Variants in SLF1 observed in about 807,000 individuals in gnomAD.
The protein encoded by SLF1 is SMC5/6 complex localization factor 1.
Under a neutral mutation model 123.0 loss-of-function variants are expected in SLF1, and 105 were observed. The ratio of observed to expected loss-of-function variants is 0.85; its 90% CI spans 0.73 to 1.00. The LOEUF (loss-of-function observed/expected upper bound fraction) is 1.00. Among genes scored for constraint, SLF1 ranks in the 50% least tolerant of loss-of-function variants. The pLI, the probability that SLF1 is intolerant of heterozygous loss-of-function variation, is 0.00. For synonymous variants in SLF1, 434 were observed against 406.6 expected (o/e 1.07, Z -0.81); for missense variants, 1,239 against 1,223.0 (o/e 1.01, Z -0.20).
In SLF1 at chr5:94,648,467, A is replaced by G. The variant is rs528132290; in HGVS notation, c.595-987A>G. ...GATTCTTCAGTCTCTTTGGGTAGAG[A>G]TTGTGAATCTCTGAAAATAGCCTTT... On this transcript the variant is annotated intron_variant, in intron 5 of 20. Coordinates refer to ENST00000265140, the MANE Select transcript of SLF1 (RefSeq NM_032290.4). Among the ~76,000 whole-genome samples, 9 of 152,194 alleles carry G rather than the reference A, an allele frequency of 5.9e-5. 1 individual carries two copies. In the East Asian group the frequency reaches 1.7e-3, roughly 29 times the overall value.
intron 20 of SLF1, among the ~76,000 whole-genome samples, chr5:94,694,083 CATAA>C (rs1446885683): frequency 1.3e-5 from 2 of 151,840 alleles, no homozygotes; most frequent in Non-Finnish European, 2.9e-5. Flanking sequence ...TGGCCAAGTG[CATAA>C]ATAATTATAA....
intron 13 of SLF1, 79 bp from the exon 14 acceptor site, chr5:94,670,764 T>A: frequency 9.5e-7 from 1 of 1,049,602 alleles, no homozygotes; most frequent in South Asian, 1.7e-5. Flanking sequence ...GCTAGCATTT[T>A]TTTTGACAGG....
At chr5:94,626,122 G>A (rs1046839130) in intron 1 of SLF1, among the ~76,000 whole-genome samples, 53 of 151,832 alleles carry the variant, frequency 3.5e-4, no homozygotes, top group Middle Eastern at 6.8e-3. Flanking sequence ...GCCTGGTGGC[G>A]GGCGCCTGTA....
chr5:94,673,337 CTTATT>C (rs1011171511), intron 14 of SLF1, among the ~76,000 whole-genome samples: 1 of 151,892 alleles, frequency 6.6e-6, no homozygotes, highest in Non-Finnish European at 1.5e-5. Context: ...AAATGTTTTG[CTTATT>C]TTATTTAACA....
At chr5:94,648,770 G>A (rs1014330468) in intron 5 of SLF1, among the ~76,000 whole-genome samples, 2 of 152,298 alleles carry the variant, frequency 1.3e-5, no homozygotes, top group Admixed American at 6.5e-5. Flanking sequence ...ATGAGCCACC[G>A]TGCCCAGCCT....
At chr5:94,663,542 G>T (rs1749381589) in intron 10 of SLF1, among the ~76,000 whole-genome samples, 2 of 152,246 alleles carry the variant, frequency 1.3e-5, no homozygotes, top group African/African-American at 2.4e-5. Flanking sequence ...TATTCAGGAG[G>T]TTGAGGCAGG....
chr5:94,624,964 A>T (rs1269158140), intron 1 of SLF1, among the ~76,000 whole-genome samples: 1 of 151,582 alleles, frequency 6.6e-6, no homozygotes, highest in Non-Finnish European at 1.5e-5. Flanking sequence ...AGGCAGGCGG[A>T]TCACAAGGTC....
chr5:94,627,899 G>A (rs147473708), intron 1 of SLF1, among the ~76,000 whole-genome samples: 114 of 151,166 alleles, frequency 7.5e-4, no homozygotes, highest in South Asian at 2.5e-3. Flanking sequence ...GCGTGATCTC[G>A]CCTCATGGCA....
intron 1 of SLF1, among the ~76,000 whole-genome samples, chr5:94,627,603 T>TAC (rs1561419029): frequency 7.3e-6 from 1 of 137,370 alleles, no homozygotes; most frequent in Non-Finnish European, 1.6e-5. Context: ...TATATATATA[T>TAC]ATATATATAT....
intron 18 of SLF1, among the ~76,000 whole-genome samples, chr5:94,690,812 T>G (rs1180431457): frequency 6.6e-6 from 1 of 152,184 alleles, no homozygotes; most frequent in East Asian, 1.9e-4. Context: ...ATAGACAATT[T>G]TAGCCAGAAG....
chr5:94,641,117 A>G (rs1205636591), intron 4 of SLF1, among the ~76,000 whole-genome samples: 1 of 152,158 alleles, frequency 6.6e-6, no homozygotes. Flanking sequence ...GGTGGTTAGT[A>G]TGGGTGATTG....
chr5:94,651,165 A>C lies in SLF1; in HGVS notation c.739-537A>C, dbSNP rs111648565. On this transcript the variant is annotated intron_variant, in intron 6 of 20. Coordinates refer to ENST00000265140, the MANE Select transcript of SLF1 (RefSeq NM_032290.4). ...TTTAATACTGTAACATGTCATAAAG[A>C]TTTGTAACTTAGGAGCGATAGACCA... Among the ~76,000 whole-genome samples, 744 of 152,294 alleles carry C rather than the reference A, an allele frequency of 4.9e-3. 6 individuals are homozygous for C. Among genetic ancestry groups the C allele is most frequent in the African/African-American group, 0.017 (698 of 41,568 alleles).
intron 15 of SLF1, among the ~76,000 whole-genome samples, chr5:94,682,241 A>G (rs1751881606): frequency 6.6e-6 from 1 of 152,234 alleles, no homozygotes; most frequent in Non-Finnish European, 1.5e-5. Flanking sequence ...AGTCACACAC[A>G]GAATCAAAAT....
In SLF1 at chr5:94,665,973, A is replaced by T; in HGVS notation, c.1481A>T (p.Gln494Leu). 1 of 1,551,368 alleles carries T rather than the reference A, an allele frequency of 6.4e-7. No homozygotes were observed. Among genetic ancestry groups the T allele is most frequent in the Non-Finnish European group, 8.7e-7 (1 of 1,146,800 alleles). Reference sequence around the variant, plus strand: ...TCGAGATATTATTTAGAGTTGTTTCAGTGTCCAACTTGTATGAAAGGAGCA... The same window carrying T: ...TCGAGATATTATTTAGAGTTGTTTCTGTGTCCAACTTGTATGAAAGGAGCA... ...AMSRYYLELF[Q>L]CPTCMKGAWS... The change falls in exon 12 of 21, where the codon CAG (glutamine) becomes CTG (leucine). Residue 494 changes from glutamine (Q) to leucine (L), a missense_variant. Gln to Leu is a moderately radical substitution (Grantham distance 113). Coordinates refer to ENST00000265140, the MANE Select transcript of SLF1 (RefSeq NM_032290.4).
intron 1 of SLF1, among the ~76,000 whole-genome samples, chr5:94,622,116 A>T (rs1428487214): frequency 2.0e-5 from 3 of 152,252 alleles, no homozygotes; most frequent in African/African-American, 7.2e-5. Flanking sequence ...AAGTACTGTG[A>T]CATGTGTCTA....
chr5:94,692,299 T>C (rs1453101618), intron 20 of SLF1, 43 bp downstream of exon 20: 1 of 1,577,324 alleles, frequency 6.3e-7, no homozygotes, highest in South Asian at 1.2e-5. Flanking sequence ...AATTATCCAG[T>C]TTTTTGATGA....
Position 94,628,937 on chromosome 5 carries a change from TC to T in SLF1, c.114+14del. ...TATTAAGAGTGAGGTAAGAAACTTATCAAAATGTTCAAGATATATTTGAAAA... is the reference window on the plus strand; with the variant it reads ...TATTAAGAGTGAGGTAAGAAACTTATAAAATGTTCAAGATATATTTGAAAA... On this transcript the variant is annotated intron_variant, in intron 2 of 20. Coordinates refer to ENST00000265140, the MANE Select transcript of SLF1 (RefSeq NM_032290.4). 1.3e-6 allele frequency: 2 copies of T among 1,507,146 alleles called. No individual in the cohort carries two copies. Among genetic ancestry groups the T allele is most frequent in the Non-Finnish European group, 1.8e-6 (2 of 1,117,004 alleles). 93.4% of individuals were successfully genotyped at this position (1,507,146 alleles called of 1,614,324 possible). A position where few individuals can be genotyped will look rare whatever the true frequency, so the allele number is the denominator to read the frequency against.
intron 14 of SLF1, among the ~76,000 whole-genome samples, chr5:94,672,781 T>C (rs939380259): frequency 3.3e-5 from 5 of 152,230 alleles, no homozygotes; most frequent in African/African-American, 1.2e-4. Flanking sequence ...CTGAAGTCTT[T>C]ATGGGTCTGT....
At chr5:94,693,196 G>C (rs1753223154) in intron 20 of SLF1, among the ~76,000 whole-genome samples, 1 of 152,038 alleles carries the variant, frequency 6.6e-6, no homozygotes, top group Non-Finnish European at 1.5e-5. Flanking sequence ...GGGAGTTTAA[G>C]ACATTTGGTT....
Sources: allele counts gnomAD v4.1 joint callset (sites outside exome capture counted in the v4.1 genomes callset), GRCh38; gene constraint gnomAD v4.1.1; transcripts MANE v1.5; gene names NCBI Gene and HGNC (gene_info 2026-07-23, HGNC 2026-07-21).